The following CNTNAP5 variants were observed in gnomAD, a reference collection of about 807,000 sequenced individuals.
CNTNAP5 encodes the protein contactin-associated protein-like 5.
Under a neutral mutation model 150.2 loss-of-function variants are expected in CNTNAP5, and 72 were observed. The ratio of observed to expected loss-of-function variants is 0.48; its 90% confidence interval spans 0.40 to 0.58. CNTNAP5 has a LOEUF of 0.58. Ranked by LOEUF, CNTNAP5 falls within the 20% of genes least tolerant of loss-of-function variation. The probability of loss-of-function intolerance (pLI) is 0.00; values close to 1 mark genes in which losing one functional copy is unlikely to be tolerated. For missense variants in CNTNAP5, 1,636 were observed against 1,626.2 expected (o/e 1.01, Z -0.10); for synonymous variants, 672 against 619.8 (o/e 1.08, Z -1.25).
intron 1 of CNTNAP5, among the ~76,000 whole-genome samples, chr2:124,170,237 A>AAT (rs141418496): frequency 0.056 from 8,017 of 142,492 alleles, 422 homozygotes; most frequent in East Asian, 0.25. Context: ...TTATGTCTTA[A>AAT]ATATATATAT....
chr2:124,427,963 A>T (rs542512052), intron 4 of CNTNAP5, among the ~76,000 whole-genome samples: 2 of 152,236 alleles, frequency 1.3e-5, no homozygotes, highest in Admixed American at 1.3e-4. Flanking sequence ...TTAGGTCTGC[A>T]GTGAGGTCTT....
intron 13 of CNTNAP5, among the ~76,000 whole-genome samples, chr2:124,738,976 G>A (rs1002163957): frequency 1.3e-5 from 2 of 152,104 alleles, no homozygotes; most frequent in Non-Finnish European, 2.9e-5. Flanking sequence ...CTCACACAAT[G>A]CCCAAAGAAT....
chr2:124,589,717 A>T (rs1194126175), intron 11 of CNTNAP5, among the ~76,000 whole-genome samples: 1 of 152,200 alleles, frequency 6.6e-6, no homozygotes, highest in Non-Finnish European at 1.5e-5. Context: ...TCGGTATACT[A>T]TATGGAGCTT....
chr2:124,683,942 G>A (rs1435131393), intron 13 of CNTNAP5, among the ~76,000 whole-genome samples: 1 of 152,072 alleles, frequency 6.6e-6, no homozygotes, highest in Non-Finnish European at 1.5e-5. Flanking sequence ...ATACCACCTT[G>A]GACAATTCAT....
chr2:124,052,605 G>T (rs1373269834), intron 1 of CNTNAP5, among the ~76,000 whole-genome samples: 1 of 152,222 alleles, frequency 6.6e-6, no homozygotes, highest in African/African-American at 2.4e-5. Flanking sequence ...GCTTTCTTGA[G>T]GGGGTGGAGA....
At chr2:124,681,221 G>A (rs1051536654) in intron 13 of CNTNAP5, among the ~76,000 whole-genome samples, 20 of 150,308 alleles carry the variant, frequency 1.3e-4, no homozygotes, top group Admixed American at 8.1e-4. Context: ...AGAATCGCTT[G>A]CACCTGGAAG....
intron 12 of CNTNAP5, among the ~76,000 whole-genome samples, chr2:124,629,936 C>CAAAAAAA (rs70996084): frequency 0.2 from 13,179 of 67,060 alleles, 1,948 homozygotes; most frequent in Non-Finnish European, 0.3. Context: ...CACCTCTATG[C>CAAAAAAA]AAAAAAAAAA....
chr2:124,804,807 C>A (rs1682047469), intron 19 of CNTNAP5, among the ~76,000 whole-genome samples: 1 of 152,186 alleles, frequency 6.6e-6, no homozygotes, highest in Non-Finnish European at 1.5e-5. Flanking sequence ...ACTGAGCCAA[C>A]TTTGCAACTC....
intron 11 of CNTNAP5, among the ~76,000 whole-genome samples, chr2:124,577,122 T>G (rs565974722): frequency 6.6e-6 from 1 of 152,186 alleles, no homozygotes; most frequent in Non-Finnish European, 1.5e-5. Flanking sequence ...CTAACTTTCC[T>G]TAGTTAGTTT....
At chr2:124,271,418 G>C (rs1252072752) in intron 3 of CNTNAP5, among the ~76,000 whole-genome samples, 1 of 152,114 alleles carries the variant, frequency 6.6e-6, no homozygotes, top group Non-Finnish European at 1.5e-5. Flanking sequence ...GAGGCCTGGA[G>C]ATGGGGGTTG....
chr2:124,231,108 A>G (rs777721095), intron 2 of CNTNAP5, among the ~76,000 whole-genome samples: 1 of 152,208 alleles, frequency 6.6e-6, no homozygotes, highest in Non-Finnish European at 1.5e-5. Flanking sequence ...CTCCTGGATC[A>G]GAACCCGTGC....
chr2:124,654,176 G>C (rs1678391579), intron 13 of CNTNAP5, among the ~76,000 whole-genome samples: 4 of 152,126 alleles, frequency 2.6e-5, no homozygotes, highest in Admixed American at 2.6e-4. Context: ...GCAAGGGTGG[G>C]AGGAAAATGA....
chr2:124,633,977 G>T (rs894776858), intron 12 of CNTNAP5, among the ~76,000 whole-genome samples: 1 of 152,144 alleles, frequency 6.6e-6, no homozygotes, highest in Non-Finnish European at 1.5e-5. Context: ...GTGGGGCCCT[G>T]GTCCCGACCC....
rs144162087 is a variant in CNTNAP5, at chr2:124,914,258, G to A, written c.3894G>A (p.Val1298=). 1,601 of 1,612,176 alleles carry A rather than the reference G, an allele frequency of 9.9e-4. 5 individuals carry two copies. Among genetic ancestry groups the A allele is most frequent in the Non-Finnish European group, 1.2e-3 (1,454 of 1,178,818 alleles). Residue 1298 remains valine, a synonymous_variant, in exon 24 of 24, where the codon GTG becomes GTA. Coordinates refer to ENST00000682447, the MANE Select transcript of CNTNAP5 (RefSeq NM_001367498.1). ...ATGAAATTGACTTGCAAAACACAGTGAGCGAGTGTAAACGGGAATATTTCA... is the reference window on the plus strand; with the variant it reads ...ATGAAATTGACTTGCAAAACACAGTAAGCGAGTGTAAACGGGAATATTTCA... ...FRNEIDLQNT[V]SECKREYFI
rs575875665 is a variant in CNTNAP5, at chr2:124,114,435, G to A, written c.82+88703G>A. ...TAGGATCTTCTAATTGTTTATTACTGGTATACGGAAGTAAATTTATTTTAC... is the reference window on the plus strand; with the variant it reads ...TAGGATCTTCTAATTGTTTATTACTAGTATACGGAAGTAAATTTATTTTAC... On this transcript the variant is annotated intron_variant, in intron 1 of 23. Coordinates refer to ENST00000682447, the MANE Select transcript of CNTNAP5 (RefSeq NM_001367498.1). Among the ~76,000 whole-genome samples the A allele has an allele frequency of 4.0e-5, 6 of 151,838 alleles. No homozygotes were observed. In the South Asian group the frequency reaches 1.0e-3, roughly 26 times the overall value.
chr2:124,224,322 A>G (rs1366426685), intron 2 of CNTNAP5, among the ~76,000 whole-genome samples: 1 of 152,174 alleles, frequency 6.6e-6, no homozygotes, highest in Non-Finnish European at 1.5e-5. Context: ...AACAGTATTC[A>G]TAAAGAGCTG....
chr2:124,136,544 TAAAATATTGAG>T (rs1006240581), intron 1 of CNTNAP5, among the ~76,000 whole-genome samples: 2 of 152,192 alleles, frequency 1.3e-5, no homozygotes, highest in African/African-American at 4.8e-5. Context: ...TATTTTATAA[TAAAATATTGAG>T]CATCTCATGT....
intron 11 of CNTNAP5, among the ~76,000 whole-genome samples, chr2:124,596,929 A>C (rs1357288126): frequency 2.4e-5 from 1 of 41,524 alleles, no homozygotes. Context: ...TTGTTGGTTT[A>C]AAGTCTGTTT....
At chr2:124,230,801 A>T (rs1318676408) in intron 2 of CNTNAP5, among the ~76,000 whole-genome samples, 1 of 152,004 alleles carries the variant, frequency 6.6e-6, no homozygotes, top group Non-Finnish European at 1.5e-5. Context: ...CAAAGTGCTG[A>T]TATTACAGGC....
Sources: gnomAD v4.1 joint callset for allele counts (sites outside exome capture counted in the v4.1 genomes callset) on GRCh38, gnomAD v4.1.1 for gene constraint, MANE v1.5 for transcripts, NCBI Gene and HGNC (gene_info 2026-07-23, HGNC 2026-07-21) for gene names.